The following DMGDH variants were observed in gnomAD, a reference collection of about 807,000 sequenced individuals.
The protein encoded by DMGDH is dimethylglycine dehydrogenase, mitochondrial.
In DMGDH, 76 loss-of-function variants were observed where a neutral mutation model predicts 95.2. The observed-to-expected ratio is 0.80, with a 90% CI of 0.66 to 0.97. DMGDH has a LOEUF of 0.97. Among genes scored for constraint, DMGDH ranks in the 50% least tolerant of loss-of-function variants. The pLI is 0.00. For missense variants in DMGDH, 987 were observed against 1,055.0 expected, an observed-to-expected ratio of 0.94 and a Z score of 0.89; for synonymous variants, 345 against 377.6, an observed-to-expected ratio of 0.91 and a Z score of 1.00.
chr5:79,009,790 T>C (rs1018518604), intron 14 of DMGDH, among the ~76,000 whole-genome samples: 1 of 152,192 alleles, frequency 6.6e-6, no homozygotes, highest in African/African-American at 2.4e-5. Context: ...TGAGGGCATT[T>C]CATTTTCATT....
intron 2 of DMGDH, among the ~76,000 whole-genome samples, chr5:79,058,943 G>A (rs1755112915): frequency 6.6e-6 from 1 of 152,140 alleles, no homozygotes; most frequent in Non-Finnish European, 1.5e-5. Context: ...AAAAAGTCCA[G>A]TGACTGATGT....
rs200619163 is a variant in DMGDH at position 79,042,411 on chromosome 5, C to A, written c.1065G>T (p.Met355Ile). The A allele has an allele frequency of 6.2e-7, 1 of 1,614,016 alleles. No individual in the cohort carries two copies. The highest frequency in any genetic ancestry group is 1.7e-5 in the Admixed American group (1 of 59,998). The change falls in exon 7 of 16, where the codon ATG (methionine) becomes ATT (isoleucine). Residue 355 changes from methionine (M) to isoleucine (I), a missense_variant. Met to Ile is a conservative substitution (Grantham distance 10). Transcript: ENST00000255189. The stretch of plus-strand genomic sequence containing the variant: ...TGTCAGCCTTTTTCAAGACAGGAAC[C>A]ATTTCCATGGCAGCTTTGATGTGTT... ...IMEHIKAAME[M>I]VPVLKKADII...
Position 79,040,243 on chromosome 5 carries a change from C to A in DMGDH, c.1193+2040G>T, listed in dbSNP as rs1168537709. 2.0e-5 allele frequency among the ~76,000 whole-genome samples: 3 copies of A among 152,092 alleles called. No homozygotes were observed. The East Asian group carries it at 5.8e-4, about 29-fold the overall frequency. On this transcript the variant is annotated intron_variant, in intron 7 of 15. Coordinates refer to ENST00000255189, the MANE Select transcript of DMGDH (RefSeq NM_013391.3). ...GAATTGAATGGAATTGTTGGACACC[C>A]AGTTAGTACTAGAGAATTGGAGAAT...
Position 79,001,019 on chromosome 5 carries a change from G to A in DMGDH, c.2386-2722C>T. On this transcript the variant is annotated intron_variant, in intron 15 of 15. Transcript: ENST00000255189. ...AGCTAATTCTAATACAAAATATTTT[G>A]GCACAGTCATCAATGACACACCATT... The A allele has an allele frequency of 1.1e-5, 8 of 698,792 alleles. No homozygotes were observed. In the South Asian group the frequency reaches 1.2e-4, roughly 10 times the overall value. The allele number at this position is 698,792 out of a possible 1,614,324, so 43.3% of individuals were successfully genotyped here.
chr5:79,041,757 G>A (rs764836244), intron 7 of DMGDH, among the ~76,000 whole-genome samples: 1 of 152,042 alleles, frequency 6.6e-6, no homozygotes, highest in Non-Finnish European at 1.5e-5. Flanking sequence ...CACTTTGGGA[G>A]GCTGAGGTGG....
intron 2 of DMGDH, among the ~76,000 whole-genome samples, chr5:79,060,485 C>T (rs1459864551): frequency 6.6e-6 from 1 of 152,198 alleles, no homozygotes; most frequent in Non-Finnish European, 1.5e-5. Context: ...ATTTGATTCC[C>T]ACACTCTCCA....
chr5:79,059,759 T>G (rs60005888), intron 2 of DMGDH, among the ~76,000 whole-genome samples: 10,859 of 152,298 alleles, frequency 0.071, 867 homozygotes, highest in African/African-American at 0.18. Flanking sequence ...AGCATCACTT[T>G]TTCTGTGAAG....
rs1754163323 is a variant in DMGDH, at chr5:79,031,098, ACGGG to A, written c.1518-104_1518-101del. 46 of 1,263,222 alleles carry A rather than the reference ACGGG, an allele frequency of 3.6e-5. 1 individual carries two copies. The South Asian group carries it at 4.7e-4, about 13-fold the overall frequency. The allele number at this position is 1,263,222 out of a possible 1,614,324, so 78.3% of individuals were successfully genotyped here. On this transcript the variant is annotated intron_variant, in intron 9 of 15. Coordinates refer to ENST00000255189, the MANE Select transcript of DMGDH (RefSeq NM_013391.3). The stretch of plus-strand genomic sequence containing the variant: ...AAGCCCTACTCATCTAGAAAATCCT[ACGGG>A]CAGCGGGGAGTGGGACTATGGGAGG...
intron 14 of DMGDH, among the ~76,000 whole-genome samples, chr5:79,009,482 C>T (rs189753918): frequency 6.6e-5 from 10 of 152,054 alleles, no homozygotes; most frequent in African/African-American, 2.4e-4. Context: ...TTGCCTCAGC[C>T]TCCTGACTAG....
chr5:79,049,153 A>G (rs17823744), intron 5 of DMGDH, among the ~76,000 whole-genome samples: 12,949 of 152,156 alleles, frequency 0.085, 717 homozygotes, highest in Non-Finnish European at 0.13. Context: ...ACCCCACAAG[A>G]TTTCACAGCT....
At chr5:79,055,678 C>T in intron 3 of DMGDH, 132 bp downstream of exon 3, 1 of 696,890 alleles carries the variant, frequency 1.4e-6, no homozygotes, top group Admixed American at 2.2e-5. Flanking sequence ...TTACCTTAAA[C>T]TCTCATCATA....
chr5:79,038,937 G>T (rs1050136120), intron 7 of DMGDH, among the ~76,000 whole-genome samples: 2 of 151,890 alleles, frequency 1.3e-5, no homozygotes, highest in Admixed American at 1.3e-4. Context: ...CATTTATGCA[G>T]CAAAAAGACA....
chr5:79,041,069 T>G (rs1463618253), intron 7 of DMGDH, among the ~76,000 whole-genome samples: 1 of 152,216 alleles, frequency 6.6e-6, no homozygotes, highest in Non-Finnish European at 1.5e-5. Context: ...GTGGTCAAGT[T>G]AGAAAGGTTG....
chr5:79,066,437 C>G (rs999277713), intron 1 of DMGDH, among the ~76,000 whole-genome samples: 1 of 151,938 alleles, frequency 6.6e-6, no homozygotes, highest in Non-Finnish European at 1.5e-5. Flanking sequence ...AGGCGCCCAC[C>G]ACCACGCCCG....
intron 14 of DMGDH, among the ~76,000 whole-genome samples, chr5:79,016,080 C>CA (rs1283084372): frequency 2.6e-5 from 4 of 151,298 alleles, no homozygotes; most frequent in Non-Finnish European, 4.4e-5. Flanking sequence ...TAAAAAAATA[C>CA]AAAAAAAATT....
chr5:79,034,203 T>C (rs1373791725), intron 7 of DMGDH, among the ~76,000 whole-genome samples: 2 of 152,112 alleles, frequency 1.3e-5, no homozygotes, highest in Non-Finnish European at 2.9e-5. Context: ...TCTGACCTCC[T>C]TAGACAATGA....
In DMGDH at chr5:79,010,833, T is replaced by C. The variant is rs77650688; in HGVS notation, c.2251-5426A>G. Among the ~76,000 whole-genome samples, 1,490 of 152,296 alleles carry C rather than the reference T, an allele frequency of 9.8e-3. 27 individuals are homozygous for C. The highest frequency in any genetic ancestry group is 0.034 in the African/African-American group (1,409 of 41,568). Reference sequence around the variant, plus strand: ...TGTGGAATCAGGCTACTGTGTCTTATAGGCGGGGAAGGGCTGCAGAGACTG... The same window carrying C: ...TGTGGAATCAGGCTACTGTGTCTTACAGGCGGGGAAGGGCTGCAGAGACTG... On this transcript the variant is annotated intron_variant, in intron 14 of 15. Transcript: ENST00000255189.
At chr5:79,026,106 T>C (rs916948201) in intron 13 of DMGDH, among the ~76,000 whole-genome samples, 2 of 152,012 alleles carry the variant, frequency 1.3e-5, no homozygotes, top group Non-Finnish European at 2.9e-5. Flanking sequence ...ACGGGCAAAA[T>C]GACAGAGGAG....
At chr5:79,039,490 A>G (rs986185330) in intron 7 of DMGDH, among the ~76,000 whole-genome samples, 11 of 152,152 alleles carry the variant, frequency 7.2e-5, no homozygotes, top group Non-Finnish European at 1.5e-4. Context: ...TCTCACTCGT[A>G]GGTCGGAATT....
Sources: gnomAD v4.1 joint callset for allele counts (sites outside exome capture counted in the v4.1 genomes callset) on GRCh38, gnomAD v4.1.1 for gene constraint, MANE v1.5 for transcripts, NCBI Gene and HGNC (gene_info 2026-07-23, HGNC 2026-07-21) for gene names.